Variants in IGF2BP2 observed in about 807,000 individuals in gnomAD.
IGF2BP2 encodes insulin-like growth factor 2 mRNA-binding protein 2.
In IGF2BP2, 17 loss-of-function variants were observed where a neutral mutation model predicts 75.8. The observed-to-expected ratio is 0.22, with a 90% CI of 0.15 to 0.34. The LOEUF is 0.34. IGF2BP2 is among the 10% of genes least tolerant of loss of function. The pLI, the probability that IGF2BP2 is intolerant of heterozygous loss-of-function variation, is 1.00. For synonymous variants in IGF2BP2, 288 were observed against 295.6 expected, an observed-to-expected ratio of 0.97 and a Z score of 0.26; for missense variants, 516 against 772.4, an observed-to-expected ratio of 0.67 and a Z score of 3.93.
chr3:185,807,354 A>T (rs1331923528), intron 2 of IGF2BP2, among the ~76,000 whole-genome samples: 1 of 152,230 alleles, frequency 6.6e-6, no homozygotes, highest in African/African-American at 2.4e-5. Flanking sequence ...TCTCTAATTT[A>T]TGAAATGGGG....
chr3:185,692,094 A>G (rs1012753203), intron 5 of IGF2BP2, among the ~76,000 whole-genome samples: 1 of 152,154 alleles, frequency 6.6e-6, no homozygotes, highest in Non-Finnish European at 1.5e-5. Flanking sequence ...AAAATTAACC[A>G]TCCCTGAAGT....
intron 7 of IGF2BP2, among the ~76,000 whole-genome samples, chr3:185,677,084 G>T (rs1390215128): frequency 3.2e-4 from 36 of 111,200 alleles, no homozygotes; most frequent in South Asian, 1.3e-3. Flanking sequence ...GAGAGAGAGA[G>T]AGAGAGAGAG....
intron 3 of IGF2BP2, among the ~76,000 whole-genome samples, chr3:185,698,001 A>G (rs1056077567): frequency 6.6e-6 from 1 of 152,094 alleles, no homozygotes; most frequent in Non-Finnish European, 1.5e-5. Flanking sequence ...CAAACCAACA[A>G]ACCATGAGAT....
intron 2 of IGF2BP2, among the ~76,000 whole-genome samples, chr3:185,742,482 T>A (rs1729696051): frequency 6.6e-6 from 1 of 150,988 alleles, no homozygotes; most frequent in Non-Finnish European, 1.5e-5. Context: ...GGCAACAGAG[T>A]GAGACTCCAT....
chr3:185,688,563 G>A (rs778252253), intron 6 of IGF2BP2, among the ~76,000 whole-genome samples: 5 of 152,124 alleles, frequency 3.3e-5, no homozygotes, highest in African/African-American at 7.2e-5. Flanking sequence ...GGCTGGTCTC[G>A]AACTCCTGAC....
chr3:185,703,126 A>G (rs1723539488), intron 2 of IGF2BP2, among the ~76,000 whole-genome samples: 1 of 152,226 alleles, frequency 6.6e-6, no homozygotes, highest in Non-Finnish European at 1.5e-5. Context: ...ACTCTGGTCA[A>G]TTGATTATAG....
chr3:185,722,721 G>A (rs191504535), intron 2 of IGF2BP2, among the ~76,000 whole-genome samples: 18 of 152,280 alleles, frequency 1.2e-4, no homozygotes, highest in African/African-American at 3.8e-4. Flanking sequence ...CCCTTTCTAC[G>A]TCAGGGCTGG....
At chr3:185,813,615 G>T (rs916194191) in intron 2 of IGF2BP2, among the ~76,000 whole-genome samples, 12 of 152,222 alleles carry the variant, frequency 7.9e-5, no homozygotes, top group Non-Finnish European at 1.8e-4. Context: ...AAATACAACT[G>T]CACTTCAGGG....
At chr3:185,672,818 C>T (rs1718739037) in intron 9 of IGF2BP2, 149 bp from the exon 10 acceptor site, 1 of 802,548 alleles carries the variant, frequency 1.2e-6, no homozygotes, top group Non-Finnish European at 2.0e-6. Context: ...GAGGTGGGTG[C>T]CACATCTTAA....
intron 2 of IGF2BP2, among the ~76,000 whole-genome samples, chr3:185,707,221 T>C (rs1344833538): frequency 7.3e-6 from 1 of 136,194 alleles, no homozygotes; most frequent in Non-Finnish European, 1.6e-5. Flanking sequence ...TGAAACTCCA[T>C]CTCAAAAAAA....
intron 2 of IGF2BP2, among the ~76,000 whole-genome samples, chr3:185,822,515 T>C (rs754384490): frequency 3.9e-5 from 6 of 152,334 alleles, no homozygotes; most frequent in Middle Eastern, 3.4e-3. Flanking sequence ...AATATAACTA[T>C]AGATTTCACA....
intron 2 of IGF2BP2, among the ~76,000 whole-genome samples, chr3:185,752,913 A>G (rs956767314): frequency 6.6e-6 from 1 of 152,182 alleles, no homozygotes; most frequent in Non-Finnish European, 1.5e-5. Context: ...TAAACTTTTA[A>G]AAAAATAAGT....
chr3:185,817,618 C>T (rs776399631), intron 2 of IGF2BP2, among the ~76,000 whole-genome samples: 4 of 151,960 alleles, frequency 2.6e-5, no homozygotes, highest in Non-Finnish European at 5.9e-5. Flanking sequence ...GTCCATGCCA[C>T]CAAATGAAAA....
chr3:185,736,565 T>C (rs571694744), intron 2 of IGF2BP2, among the ~76,000 whole-genome samples: 1 of 152,302 alleles, frequency 6.6e-6, no homozygotes, highest in East Asian at 1.9e-4. Context: ...GGGGATGACA[T>C]TTCCTCCACT....
intron 2 of IGF2BP2, among the ~76,000 whole-genome samples, chr3:185,821,687 A>G (rs1210802935): frequency 6.6e-6 from 1 of 152,154 alleles, no homozygotes; most frequent in Non-Finnish European, 1.5e-5. Context: ...AACCGCAAAC[A>G]GCCAACAGAA....
At chr3:185,682,622 A>C (rs926384130) in intron 7 of IGF2BP2, among the ~76,000 whole-genome samples, 4 of 152,220 alleles carry the variant, frequency 2.6e-5, no homozygotes, top group Non-Finnish European at 5.9e-5. Context: ...GAATGAACAA[A>C]GGATTTGAAT....
chr3:185,781,527 G>A (rs969329065), intron 2 of IGF2BP2, among the ~76,000 whole-genome samples: 1 of 152,120 alleles, frequency 6.6e-6, no homozygotes, highest in African/African-American at 2.4e-5. Context: ...AGGTTACAGT[G>A]GATCCTGGAT....
At position 185,676,758 on chromosome 3, in the gene IGF2BP2, T is replaced by G. The variant is rs547417754; in HGVS notation, c.813-845A>C. On this transcript the variant is annotated intron_variant, in intron 7 of 15. Coordinates refer to ENST00000382199, the MANE Select transcript of IGF2BP2 (RefSeq NM_006548.6). ...TATATATATATATATTTACTGGAGATATATATATATATGGAGATATATATT... is the reference window on the plus strand; with the variant it reads ...TATATATATATATATTTACTGGAGAGATATATATATATGGAGATATATATT... Among the ~76,000 whole-genome samples the G allele has an allele frequency of 2.6e-3, 116 of 43,892 alleles. 1 individual carries two copies. Among genetic ancestry groups the G allele is most frequent in the African/African-American group, 0.01 (113 of 11,096 alleles). 28.8% of individuals were successfully genotyped at this position (43,892 alleles called of 152,430 possible).
At chr3:185,788,713 T>A (rs1479622634) in intron 2 of IGF2BP2, among the ~76,000 whole-genome samples, 2 of 53,782 alleles carry the variant, frequency 3.7e-5, no homozygotes, top group South Asian at 7.2e-4. Flanking sequence ...CAAACGACTT[T>A]TTTTTTTTTT....
Sources: gnomAD v4.1 joint callset for allele counts (sites outside exome capture counted in the v4.1 genomes callset) on GRCh38, gnomAD v4.1.1 for gene constraint, MANE v1.5 for transcripts, NCBI Gene and HGNC (gene_info 2026-07-23, HGNC 2026-07-21) for gene names.